SLC25A13: variants seen among roughly 807,000 people sequenced by gnomAD.
SLC25A13 encodes the protein electrogenic aspartate/glutamate antiporter SLC25A13, mitochondrial.
A neutral mutation model predicts 85.5 loss-of-function variants in SLC25A13; 70 were observed. The observed-to-expected ratio is 0.82, with a 90% CI of 0.68 to 1.00. The LOEUF (loss-of-function observed/expected upper bound fraction) is 1.00, where lower values mean the gene tolerates loss of function less well. Ranked by LOEUF, SLC25A13 falls within the 50% of genes least tolerant of loss-of-function variation. The pLI is 0.00. For missense variants in SLC25A13, 765 were observed against 819.8 expected (o/e 0.93, Z 0.82); for synonymous variants, 259 against 288.7 (o/e 0.90, Z 1.04).
intron 5 of SLC25A13, among the ~76,000 whole-genome samples, chr7:96,193,473 C>T (rs1421042080): frequency 6.6e-6 from 1 of 152,136 alleles, no homozygotes; most frequent in African/African-American, 2.4e-5. Context: ...AAATGAAAAC[C>T]GGAATGAAGT....
chr7:96,156,032 C>T (rs185738836), intron 13 of SLC25A13, among the ~76,000 whole-genome samples: 3 of 152,172 alleles, frequency 2.0e-5, no homozygotes, highest in Non-Finnish European at 2.9e-5. Context: ...CCTGTTTGAA[C>T]GGAGTAGCTG....
At chr7:96,242,741 C>G (rs1797041617) in intron 3 of SLC25A13, among the ~76,000 whole-genome samples, 1 of 152,210 alleles carries the variant, frequency 6.6e-6, no homozygotes, top group South Asian at 2.1e-4. Context: ...CTACCTATAA[C>G]CTGGAAGCCT....
chr7:96,178,899 G>T (rs1262746585), intron 11 of SLC25A13, among the ~76,000 whole-genome samples: 1 of 152,208 alleles, frequency 6.6e-6, no homozygotes, highest in Non-Finnish European at 1.5e-5. Flanking sequence ...AGTTCTGACA[G>T]GCTCTTTGGG....
At chr7:96,313,073 G>C (rs925169311) in intron 1 of SLC25A13, among the ~76,000 whole-genome samples, 3 of 152,232 alleles carry the variant, frequency 2.0e-5, no homozygotes, top group Non-Finnish European at 4.4e-5. Flanking sequence ...GAACTGGTGA[G>C]TTCTAGGTCA....
At chr7:96,203,009 G>A (rs775672497) in intron 5 of SLC25A13, among the ~76,000 whole-genome samples, 3 of 152,110 alleles carry the variant, frequency 2.0e-5, no homozygotes, top group Non-Finnish European at 4.4e-5. Context: ...TGAGACCACA[G>A]TTGTTTGACT....
At chr7:96,300,791 A>G (rs1310030313) in intron 1 of SLC25A13, among the ~76,000 whole-genome samples, 1 of 152,184 alleles carries the variant, frequency 6.6e-6, no homozygotes, top group African/African-American at 2.4e-5. Flanking sequence ...TTAAGGATAG[A>G]TAAGTATGGT....
intron 11 of SLC25A13, among the ~76,000 whole-genome samples, chr7:96,174,773 C>T (rs1794150465): frequency 6.6e-6 from 1 of 152,196 alleles, no homozygotes; most frequent in African/African-American, 2.4e-5. Context: ...TCACTTCAGC[C>T]AGCCTTTCAA....
At chr7:96,311,545 G>A (rs1799950957) in intron 1 of SLC25A13, among the ~76,000 whole-genome samples, 1 of 152,144 alleles carries the variant, frequency 6.6e-6, no homozygotes, top group African/African-American at 2.4e-5. Flanking sequence ...CAAAAAGGGG[G>A]CAGGAAAACC....
intron 3 of SLC25A13, among the ~76,000 whole-genome samples, chr7:96,254,111 G>A (rs1797536309): frequency 6.6e-6 from 1 of 152,116 alleles, no homozygotes; most frequent in Non-Finnish European, 1.5e-5. Context: ...GTGTTACCTC[G>A]ATAGCAACAT....
intron 3 of SLC25A13, among the ~76,000 whole-genome samples, chr7:96,268,421 G>A (rs1240601855): frequency 2.0e-5 from 3 of 152,050 alleles, no homozygotes; most frequent in African/African-American, 7.2e-5. Context: ...GTACAGTAAG[G>A]TCTAGGCCCT....
chr7:96,131,086 C>T (rs547743096), intron 15 of SLC25A13, among the ~76,000 whole-genome samples: 31 of 152,176 alleles, frequency 2.0e-4, no homozygotes, highest in Non-Finnish European at 3.2e-4. Flanking sequence ...AATGTCACCA[C>T]TTGGAGAGCT....
At chr7:96,283,401 C>T (rs1798760038) in intron 2 of SLC25A13, 1 of 401,460 alleles carries the variant, frequency 2.5e-6, no homozygotes, top group Admixed American at 2.6e-5. Flanking sequence ...AATATATGTT[C>T]TGTAGGCCTT....
At chr7:96,153,085 A>G (rs78435315) in intron 13 of SLC25A13, among the ~76,000 whole-genome samples, 3,318 of 152,368 alleles carry the variant, frequency 0.022, 132 homozygotes, top group African/African-American at 0.076. Context: ...GCTTACGCAT[A>G]ACAGTACAAG....
At chr7:96,317,428 A>G (rs1178663921) in intron 1 of SLC25A13, among the ~76,000 whole-genome samples, 1 of 151,994 alleles carries the variant, frequency 6.6e-6, no homozygotes, top group Non-Finnish European at 1.5e-5. Flanking sequence ...ACAATGAAAC[A>G]CATTTGGAAC....
chr7:96,150,899 A>T (rs1793013156), intron 13 of SLC25A13, among the ~76,000 whole-genome samples: 1 of 152,086 alleles, frequency 6.6e-6, no homozygotes, highest in Admixed American at 6.5e-5. Flanking sequence ...AGCAGAGGAA[A>T]GGATTTTCAA....
intron 1 of SLC25A13, among the ~76,000 whole-genome samples, chr7:96,314,020 T>C (rs1012550739): frequency 1.3e-5 from 2 of 152,244 alleles, no homozygotes; most frequent in Admixed American, 6.5e-5. Context: ...TCATTCTATA[T>C]GCATATGTCA....
intron 1 of SLC25A13, among the ~76,000 whole-genome samples, chr7:96,306,177 A>G (rs747544144): frequency 1.3e-5 from 2 of 152,204 alleles, no homozygotes; most frequent in Non-Finnish European, 2.9e-5. Context: ...TTGATTGCAA[A>G]TCTATGATTT....
intron 3 of SLC25A13, among the ~76,000 whole-genome samples, chr7:96,240,702 C>T (rs1217353447): frequency 6.7e-6 from 1 of 149,972 alleles, no homozygotes; most frequent in Non-Finnish European, 1.5e-5. Flanking sequence ...TATGACTGCA[C>T]CACTGCACTC....
Position 96,322,026 on chromosome 7 carries a change from T to C in SLC25A13, c.-70A>G, listed in dbSNP as rs779638076. The C allele has an allele frequency of 3.7e-5, 56 of 1,524,448 alleles. 1 individual carries two copies. In the South Asian group the frequency reaches 5.8e-4, roughly 16 times the overall value. The allele number at this position is 1,524,448 out of a possible 1,614,324, so 94.4% of individuals were successfully genotyped here. A position where few individuals can be genotyped will look rare whatever the true frequency, so the allele number is the denominator to read the frequency against. ...GGCTGGCGTTTGGGACCCGGGCGGC[T>C]CACTTCTAGTCCCGGCGGCGGCGGC... On this transcript the variant is annotated 5_prime_UTR_variant, in exon 1 of 18. Transcript: ENST00000265631.
Sources: allele counts gnomAD v4.1 joint callset (sites outside exome capture counted in the v4.1 genomes callset), GRCh38; gene constraint gnomAD v4.1.1; transcripts MANE v1.5; gene names NCBI Gene and HGNC (gene_info 2026-07-23, HGNC 2026-07-21).